Variants in ANKRD12 observed in about 807,000 individuals in gnomAD.
ANKRD12 encodes ankyrin repeat domain-containing protein 12.
A neutral mutation model predicts 183.4 loss-of-function variants in ANKRD12; 85 were observed. The ratio of observed to expected loss-of-function variants is 0.46; its 90% CI spans 0.39 to 0.56. The LOEUF (loss-of-function observed/expected upper bound fraction) is 0.56. ANKRD12 is among the 20% of genes least tolerant of loss of function. ANKRD12 has a pLI of 0.00. For synonymous variants in ANKRD12, 914 were observed against 800.2 expected, an observed-to-expected ratio of 1.14 and a Z score of -2.40; for missense variants, 2,405 against 2,357.1, an observed-to-expected ratio of 1.02 and a Z score of -0.42.
chr18:9,185,611 G>C (rs1422289330), intron 2 of ANKRD12, among the ~76,000 whole-genome samples: 2 of 152,206 alleles, frequency 1.3e-5, no homozygotes, highest in African/African-American at 4.8e-5. Flanking sequence ...GTCTGGATTG[G>C]AAATAAATAT....
chr18:9,193,519 T>G (rs1274596280), intron 2 of ANKRD12, among the ~76,000 whole-genome samples: 2 of 152,042 alleles, frequency 1.3e-5, no homozygotes. Context: ...GGTTTTTTTT[T>G]GTTTGTTTGG....
intron 1 of ANKRD12, among the ~76,000 whole-genome samples, chr18:9,175,953 T>C (rs1270245251): frequency 6.6e-6 from 1 of 152,214 alleles, no homozygotes; most frequent in African/African-American, 2.4e-5. Context: ...AAAAAACTCT[T>C]TGTTTCCTGA....
At chr18:9,240,339 G>A (rs2037590208) in intron 8 of ANKRD12, among the ~76,000 whole-genome samples, 2 of 152,068 alleles carry the variant, frequency 1.3e-5, no homozygotes, top group Non-Finnish European at 2.9e-5. Flanking sequence ...ATTAGTCTAA[G>A]TCCATGTTAC....
In ANKRD12 at chr18:9,157,585, G is replaced by GTATATATATATATA. The variant is rs1380048925; in HGVS notation, c.-52+20622_-52+20635dup. 2.3e-3 allele frequency among the ~76,000 whole-genome samples: 209 copies of GTATATATATATATA among 92,648 alleles called. 2 individuals carry two copies. Among genetic ancestry groups the GTATATATATATATA allele is most frequent in the African/African-American group, 0.01 (199 of 19,018 alleles). 60.8% of individuals were successfully genotyped at this position (92,648 alleles called of 152,430 possible). On this transcript the variant is annotated intron_variant, in intron 1 of 12. Transcript: ENST00000262126. Reference sequence around the variant, plus strand: ...TGTGTGTGTGTGTGTGTGTGTGTGTGTATATATATATATATGTATTTTTTT... The same window carrying GTATATATATATATA: ...TGTGTGTGTGTGTGTGTGTGTGTGTGTATATATATATATATATATATATATATATGTATTTTTTT...
chr18:9,214,794 A>G (rs888654201), intron 6 of ANKRD12, among the ~76,000 whole-genome samples: 7 of 152,218 alleles, frequency 4.6e-5, no homozygotes, highest in African/African-American at 1.4e-4. Flanking sequence ...TTGTGAAGCC[A>G]TTGATGGAGC....
intron 10 of ANKRD12, among the ~76,000 whole-genome samples, chr18:9,267,421 C>T (rs867856502): frequency 6.6e-6 from 1 of 152,194 alleles, no homozygotes; most frequent in Non-Finnish European, 1.5e-5. Flanking sequence ...AACAAACTGT[C>T]TCTCAGACCA....
intron 1 of ANKRD12, among the ~76,000 whole-genome samples, chr18:9,157,535 T>G (rs2030673164): frequency 7.0e-6 from 1 of 143,178 alleles, no homozygotes; most frequent in African/African-American, 2.8e-5. Flanking sequence ...AATGGTAAAT[T>G]TTATGGTGTG....
chr18:9,166,497 T>C lies in ANKRD12; in HGVS notation c.-51-15885T>C, dbSNP rs561434330. On this transcript the variant is annotated intron_variant, in intron 1 of 12. Transcript: ENST00000262126. The stretch of plus-strand genomic sequence containing the variant: ...TGATGATGAGCATTTTTTCATGTGT[T>C]TTTTGGCTGCATAAATGTCTTCTTT... Among the ~76,000 whole-genome samples the C allele has an allele frequency of 1.4e-3, 203 of 150,242 alleles. 9 individuals carry two copies. In the South Asian group the frequency reaches 0.041, roughly 31 times the overall value.
At chr18:9,252,229 T>TA (rs918448911) in intron 8 of ANKRD12, among the ~76,000 whole-genome samples, 33 of 152,254 alleles carry the variant, frequency 2.2e-4, no homozygotes, top group African/African-American at 7.2e-4. Flanking sequence ...TGATTAAATT[T>TA]AAAAATTGGG....
chr18:9,156,450 A>G (rs2030481154), intron 1 of ANKRD12, among the ~76,000 whole-genome samples: 1 of 152,200 alleles, frequency 6.6e-6, no homozygotes, highest in African/African-American at 2.4e-5. Flanking sequence ...AGAAAGCCTG[A>G]AAAGAGATTT....
chr18:9,207,076 A>G (rs1024887535), intron 4 of ANKRD12, among the ~76,000 whole-genome samples: 10 of 152,092 alleles, frequency 6.6e-5, no homozygotes, highest in Non-Finnish European at 1.3e-4. Flanking sequence ...TTTGTTATTC[A>G]AATGGAAAAC....
intron 8 of ANKRD12, chr18:9,239,432 TC>T (rs1356250516): frequency 2.2e-6 from 2 of 927,600 alleles, no homozygotes; most frequent in East Asian, 6.3e-5. Context: ...TTTTCACTGA[TC>T]TTGATTGTTT....
At chr18:9,161,650 A>G (rs942619216) in intron 1 of ANKRD12, among the ~76,000 whole-genome samples, 2 of 152,028 alleles carry the variant, frequency 1.3e-5, no homozygotes, top group Admixed American at 1.3e-4. Flanking sequence ...TGCTGGGATT[A>G]CAGGTGTGAG....
chr18:9,250,744 AAAACT>A, intron 8 of ANKRD12, among the ~76,000 whole-genome samples: 1 of 152,312 alleles, frequency 6.6e-6, no homozygotes, highest in South Asian at 2.1e-4. Flanking sequence ...TCCAGAAATC[AAAACT>A]CTGAATGGCT....
At chr18:9,237,080 G>T (rs1418557994) in intron 8 of ANKRD12, among the ~76,000 whole-genome samples, 1 of 152,140 alleles carries the variant, frequency 6.6e-6, no homozygotes, top group East Asian at 1.9e-4. Context: ...AAAAGAAATA[G>T]TGGGAGAATA....
chr18:9,263,802 C>G lies in ANKRD12; in HGVS notation c.5677C>G (p.Pro1893Ala). 6.4e-7 allele frequency: 1 copy of G among 1,560,358 alleles called. No individual in the cohort carries two copies. The change falls in exon 10 of 13, where the codon CCT becomes GCT. Residue 1893 changes from proline (P) to alanine (A), a missense_variant. Around this residue, in one of 7 missense-constraint regions of ANKRD12, gnomAD observed 162 missense variants for 272.2 expected, o/e 0.60. Coordinates refer to ENST00000262126, the MANE Select transcript of ANKRD12 (RefSeq NM_015208.5). Reference sequence around the variant, plus strand: ...TCTTTTTAATTAGATTACACCACCACCTTCACTGTCAGATCCACTTAAAGA... The same window carrying G: ...TCTTTTTAATTAGATTACACCACCAGCTTCACTGTCAGATCCACTTAAAGA... ...KICIPTITPP[P>A]SLSDPLKELF...
At position 9,211,626 on chromosome 18, in the gene ANKRD12, A is replaced by G. The variant is rs1437710999; in HGVS notation, c.494A>G (p.Lys165Arg). Residue 165 changes from lysine (K) to arginine (R), a missense_variant, in exon 6 of 13, where the codon AAG (lysine) becomes AGG (arginine). Transcript: ENST00000262126. ...CCATCACAAACAACGCCTGCCCAAA[A>G]GAAAACTCCCAGTTCTTCATCTCGA... ...NHPSQTTPAQ[K>R]KTPSSSSRQK... is the part of the protein sequence containing the mutation. 1.2e-6 allele frequency: 2 copies of G among 1,613,932 alleles called. No individual in the cohort carries two copies. Among genetic ancestry groups the G allele is most frequent in the Non-Finnish European group, 1.7e-6 (2 of 1,179,902 alleles).
intron 4 of ANKRD12, among the ~76,000 whole-genome samples, chr18:9,206,811 G>T (rs937359536): frequency 3.3e-5 from 5 of 151,890 alleles, no homozygotes; most frequent in Admixed American, 1.3e-4. Context: ...ACTTTATCAT[G>T]TTAGACTGGC....
chr18:9,168,220 G>A (rs1421362361), intron 1 of ANKRD12, among the ~76,000 whole-genome samples: 1 of 152,150 alleles, frequency 6.6e-6, no homozygotes, highest in Non-Finnish European at 1.5e-5. Flanking sequence ...GTATCAGGAT[G>A]ATGCTGGCCT....
Sources: allele counts gnomAD v4.1 joint callset (sites outside exome capture counted in the v4.1 genomes callset), GRCh38; gene constraint gnomAD v4.1.1; regional missense constraint gnomAD v4.1.1; transcripts MANE v1.5; gene names NCBI Gene and HGNC (gene_info 2026-07-23, HGNC 2026-07-21).